The following NKAIN2 variants were observed in gnomAD, a reference collection of about 807,000 sequenced individuals.
NKAIN2 encodes the protein sodium/potassium-transporting ATPase subunit beta-1-interacting protein 2.
In NKAIN2, 14 loss-of-function variants were observed where a neutral mutation model predicts 32.6. The ratio of observed to expected loss-of-function variants is 0.43; its 90% CI spans 0.28 to 0.67. NKAIN2 has a LOEUF of 0.67. NKAIN2 is among the 30% of genes least tolerant of loss of function. The pLI is 0.17. For missense variants in NKAIN2, 198 were observed against 258.3 expected, an observed-to-expected ratio of 0.77 and a Z score of 1.60; for synonymous variants, 80 against 87.2, an observed-to-expected ratio of 0.92 and a Z score of 0.46.
intron 1 of NKAIN2, among the ~76,000 whole-genome samples, chr6:124,135,505 G>A (rs1350955192): frequency 3.2e-5 from 2 of 62,060 alleles, no homozygotes; most frequent in African/African-American, 1.4e-4. Context: ...AGACTTTAAA[G>A]CAACGATAGT....
chr6:124,371,819 T>C (rs1035368144), intron 3 of NKAIN2, among the ~76,000 whole-genome samples: 1 of 152,150 alleles, frequency 6.6e-6, no homozygotes, highest in Non-Finnish European at 1.5e-5. Flanking sequence ...TTATGAGGGT[T>C]ACAACATTTT....
At chr6:124,225,974 C>T (rs966589167) in intron 1 of NKAIN2, among the ~76,000 whole-genome samples, 1 of 151,964 alleles carries the variant, frequency 6.6e-6, no homozygotes, top group Non-Finnish European at 1.5e-5. Context: ...GATAGGGAGA[C>T]ATCAGTTATG....
chr6:123,996,681 C>A (rs1204940195), intron 1 of NKAIN2, among the ~76,000 whole-genome samples: 1 of 151,998 alleles, frequency 6.6e-6, no homozygotes, highest in Non-Finnish European at 1.5e-5. Flanking sequence ...ATACTTTATT[C>A]TTGTTGACAT....
intron 1 of NKAIN2, among the ~76,000 whole-genome samples, chr6:124,117,581 T>G (rs1785673997): frequency 6.6e-6 from 1 of 152,132 alleles, no homozygotes; most frequent in African/African-American, 2.4e-5. Flanking sequence ...ATTTGATCTC[T>G]AAGTAAAAGG....
At chr6:124,554,136 C>T (rs1278533659) in intron 3 of NKAIN2, among the ~76,000 whole-genome samples, 4 of 152,198 alleles carry the variant, frequency 2.6e-5, no homozygotes, top group African/African-American at 7.2e-5. Context: ...CTTTGCTAAA[C>T]TTTCTTCAAA....
intron 4 of NKAIN2, among the ~76,000 whole-genome samples, chr6:124,738,916 A>G (rs187032439): frequency 1.3e-5 from 2 of 152,046 alleles, no homozygotes; most frequent in East Asian, 3.9e-4. Context: ...GTTATTCTTA[A>G]TAAATTATTT....
chr6:124,335,351 G>A (rs567624728), intron 2 of NKAIN2, among the ~76,000 whole-genome samples: 1 of 152,106 alleles, frequency 6.6e-6, no homozygotes, highest in Non-Finnish European at 1.5e-5. Context: ...ACCTGTATCT[G>A]TATTTGGATA....
At chr6:123,827,876 CCT>C (rs5879702) in intron 1 of NKAIN2, among the ~76,000 whole-genome samples, 13,960 of 149,750 alleles carry the variant, frequency 0.093, 1,259 homozygotes, top group East Asian at 0.44. Context: ...GATAGCAGTT[CCT>C]CTCTCTCTCT....
chr6:124,066,823 C>T (rs989171052), intron 1 of NKAIN2, among the ~76,000 whole-genome samples: 6 of 151,736 alleles, frequency 4.0e-5, no homozygotes, highest in Non-Finnish European at 5.9e-5. Context: ...TCTCAAAACA[C>T]ATTGATGCAA....
intron 1 of NKAIN2, among the ~76,000 whole-genome samples, chr6:123,920,707 C>G (rs1174434967): frequency 6.6e-6 from 1 of 152,126 alleles, no homozygotes; most frequent in Non-Finnish European, 1.5e-5. Flanking sequence ...TACATCTGTT[C>G]AATTGTGACA....
chr6:124,463,521 C>T (rs1037321823), intron 3 of NKAIN2, among the ~76,000 whole-genome samples: 1 of 152,032 alleles, frequency 6.6e-6, no homozygotes, highest in African/African-American at 2.4e-5. Context: ...CTGTTGTTTT[C>T]ATCCTGTCCC....
chr6:124,014,004 T>C (rs1234137480), intron 1 of NKAIN2, among the ~76,000 whole-genome samples: 3 of 152,158 alleles, frequency 2.0e-5, no homozygotes, highest in South Asian at 4.1e-4. Flanking sequence ...TATAGAACTA[T>C]AGGATAATAA....
chr6:124,201,906 CTATTTTCTTTTTG>C (rs1176707437), intron 1 of NKAIN2, among the ~76,000 whole-genome samples: 4 of 151,728 alleles, frequency 2.6e-5, no homozygotes, highest in African/African-American at 7.3e-5. Context: ...TTCTATATAC[CTATTTTCTTTTTG>C]TATTTTCTGC....
intron 3 of NKAIN2, among the ~76,000 whole-genome samples, chr6:124,557,380 T>C (rs893545316): frequency 6.6e-6 from 1 of 152,210 alleles, no homozygotes; most frequent in African/African-American, 2.4e-5. Flanking sequence ...TGTTGCTTTA[T>C]AGCCCTGCGC....
intron 1 of NKAIN2, among the ~76,000 whole-genome samples, chr6:124,203,689 T>C (rs577453560): frequency 6.6e-6 from 1 of 151,866 alleles, no homozygotes; most frequent in South Asian, 2.1e-4. Flanking sequence ...AAGTTAGGCC[T>C]GCTGACAGCA....
intron 1 of NKAIN2, among the ~76,000 whole-genome samples, chr6:124,120,349 C>A (rs1212538191): frequency 2.6e-5 from 4 of 152,024 alleles, no homozygotes; most frequent in African/African-American, 9.7e-5. Flanking sequence ...TGGTATCCAC[C>A]AATTACCTGA....
At chr6:123,841,383 TGTGTTTTCAAGGCATAGTA>T (rs1448934805) in intron 1 of NKAIN2, among the ~76,000 whole-genome samples, 1 of 152,186 alleles carries the variant, frequency 6.6e-6, no homozygotes, top group Admixed American at 6.5e-5. Context: ...GTATAGTATA[TGTGTTTTCAAGGCATAGTA>T]ATTAAATATG....
intron 1 of NKAIN2, among the ~76,000 whole-genome samples, chr6:123,998,269 A>G (rs1213316680): frequency 2.6e-5 from 4 of 152,212 alleles, no homozygotes; most frequent in African/African-American, 9.6e-5. Context: ...CCCCAAGGGA[A>G]AAATAGGTAT....
intron 3 of NKAIN2, among the ~76,000 whole-genome samples, chr6:124,628,942 T>G (rs1213148479): frequency 6.6e-6 from 1 of 152,170 alleles, no homozygotes; most frequent in Non-Finnish European, 1.5e-5. Context: ...CCAAGGAGTG[T>G]GAGCATTCTA....
Sources: gnomAD v4.1 joint callset for allele counts (sites outside exome capture counted in the v4.1 genomes callset) on GRCh38, gnomAD v4.1.1 for gene constraint, MANE v1.5 for transcripts, NCBI Gene and HGNC (gene_info 2026-07-23, HGNC 2026-07-21) for gene names.